The following SNX4 variants were observed in gnomAD, a reference collection of about 807,000 sequenced individuals.
SNX4 encodes the protein sorting nexin 4.
SNX4 carries 49 observed loss-of-function variants against 70.8 expected under a neutral mutation model. The observed-to-expected ratio is 0.69, with a 90% CI of 0.55 to 0.88. The LOEUF is 0.88. Ranked by LOEUF, SNX4 falls within the 40% of genes least tolerant of loss-of-function variation. The pLI is 0.00. For missense variants in SNX4, 528 were observed against 544.8 expected, an observed-to-expected ratio of 0.97 and a Z score of 0.31; for synonymous variants, 206 against 183.8, an observed-to-expected ratio of 1.12 and a Z score of -0.98.
At chr3:125,455,591 ACT>A (rs769222289) in intron 11 of SNX4, among the ~76,000 whole-genome samples, 2 of 152,190 alleles carry the variant, frequency 1.3e-5, no homozygotes, top group African/African-American at 4.8e-5. Context: ...AACTTCTCCC[ACT>A]GAGTTTTAAA....
At chr3:125,454,790 C>T (rs200291129) in intron 11 of SNX4, among the ~76,000 whole-genome samples, 1 of 152,162 alleles carries the variant, frequency 6.6e-6, no homozygotes, top group African/African-American at 2.4e-5. Flanking sequence ...CTAAGTCAGA[C>T]AAAACCACCA....
chr3:125,472,294 C>T (rs1431056641), intron 8 of SNX4, among the ~76,000 whole-genome samples: 1 of 152,066 alleles, frequency 6.6e-6, no homozygotes, highest in African/African-American at 2.4e-5. Context: ...TATGTGGCCC[C>T]CAACTTTTGA....
chr3:125,506,873 G>C (rs1341805265), intron 1 of SNX4, among the ~76,000 whole-genome samples: 1 of 59,124 alleles, frequency 1.7e-5, no homozygotes, highest in Non-Finnish European at 3.7e-5. Context: ...GAACAAAATA[G>C]AAGTATCCAG....
At chr3:125,498,019 A>G (rs1322390837) in intron 3 of SNX4, 36 bp from the exon 4 acceptor site, 1 of 1,614,092 alleles carries the variant, frequency 6.2e-7, no homozygotes. Flanking sequence ...AATAGTCTCA[A>G]TGCTGAATAC....
At chr3:125,517,916 G>A (rs1466086810) in intron 1 of SNX4, among the ~76,000 whole-genome samples, 1 of 151,960 alleles carries the variant, frequency 6.6e-6, no homozygotes, top group African/African-American at 2.4e-5. Context: ...GCAGAGGTCT[G>A]CAGTGACCCG....
At chr3:125,496,141 A>T (rs1934789405) in intron 5 of SNX4, among the ~76,000 whole-genome samples, 1 of 152,154 alleles carries the variant, frequency 6.6e-6, no homozygotes, top group South Asian at 2.1e-4. Flanking sequence ...GAAAAATTTT[A>T]AAATTAGCTA....
At chr3:125,472,776 A>C (rs1934206301) in intron 8 of SNX4, among the ~76,000 whole-genome samples, 1 of 151,912 alleles carries the variant, frequency 6.6e-6, no homozygotes, top group Non-Finnish European at 1.5e-5. Flanking sequence ...ATTCCCCTCA[A>C]TCCCCACAAC....
chr3:125,459,288 T>A (rs1933813850), intron 10 of SNX4, among the ~76,000 whole-genome samples: 1 of 152,238 alleles, frequency 6.6e-6, no homozygotes, highest in Admixed American at 6.5e-5. Context: ...TTTCAGAATT[T>A]AGCTAGGCAT....
intron 8 of SNX4, among the ~76,000 whole-genome samples, chr3:125,470,545 C>T (rs548045338): frequency 2.0e-5 from 3 of 149,250 alleles, no homozygotes; most frequent in Admixed American, 2.0e-4. Flanking sequence ...AGACTTCAGA[C>T]AACCTGAAGT....
chr3:125,480,370 C>A, intron 6 of SNX4, 51 bp from the exon 7 acceptor site: 2 of 1,227,914 alleles, frequency 1.6e-6, no homozygotes, highest in South Asian at 3.5e-5. Flanking sequence ...AACAAGCAGT[C>A]AAAAACTGAA....
At chr3:125,457,697 C>T (rs1340423715) in intron 10 of SNX4, among the ~76,000 whole-genome samples, 2 of 151,138 alleles carry the variant, frequency 1.3e-5, no homozygotes, top group African/African-American at 4.9e-5. Flanking sequence ...CCTGCCTCAG[C>T]TTCCCTAGTA....
chr3:125,494,084 C>A (rs1934727358), intron 5 of SNX4, among the ~76,000 whole-genome samples: 1 of 150,376 alleles, frequency 6.6e-6, no homozygotes, highest in Non-Finnish European at 1.5e-5. Flanking sequence ...AAACTACAGA[C>A]AAAATATGTC....
At chr3:125,502,516 T>C (rs984757156) in intron 2 of SNX4, among the ~76,000 whole-genome samples, 1 of 152,144 alleles carries the variant, frequency 6.6e-6, no homozygotes, top group Admixed American at 6.6e-5. Context: ...GGTTCAGCAC[T>C]AAGGCAAGCT....
At chr3:125,509,508 T>C (rs1263969765) in intron 1 of SNX4, among the ~76,000 whole-genome samples, 1 of 152,004 alleles carries the variant, frequency 6.6e-6, no homozygotes, top group Non-Finnish European at 1.5e-5. Context: ...TCCTAGCACT[T>C]TGGGAGGCCA....
At chr3:125,511,044 G>A (rs1042437363) in intron 1 of SNX4, among the ~76,000 whole-genome samples, 3 of 152,096 alleles carry the variant, frequency 2.0e-5, no homozygotes, top group African/African-American at 7.2e-5. Flanking sequence ...TTAGCCTCCC[G>A]AGTAGCTGGG....
chr3:125,514,034 ATT>A (rs113030023), intron 1 of SNX4, among the ~76,000 whole-genome samples: 7 of 144,434 alleles, frequency 4.8e-5, no homozygotes, highest in Admixed American at 1.4e-4. Context: ...AGACTTCTGG[ATT>A]TTTTTTTTTT....
chr3:125,514,034 A>ATT (rs113030023), intron 1 of SNX4, among the ~76,000 whole-genome samples: 18 of 144,494 alleles, frequency 1.2e-4, no homozygotes, highest in Admixed American at 1.4e-4. Flanking sequence ...AGACTTCTGG[A>ATT]TTTTTTTTTT....
chr3:125,469,133 TG>T (rs1934107961), intron 9 of SNX4, among the ~76,000 whole-genome samples: 1 of 152,236 alleles, frequency 6.6e-6, no homozygotes, highest in African/African-American at 2.4e-5. Context: ...AATTTTAGAC[TG>T]AGAAAATTCC....
chr3:125,448,931 C>A (rs1933500658), intron 13 of SNX4: 1 of 151,798 alleles, frequency 6.6e-6, no homozygotes, highest in Non-Finnish European at 1.5e-5. Flanking sequence ...CCTGCCTTGG[C>A]CTCCCAAAAT....
Sources: gnomAD v4.1 joint callset for allele counts (sites outside exome capture counted in the v4.1 genomes callset) on GRCh38, gnomAD v4.1.1 for gene constraint, MANE v1.5 for transcripts, NCBI Gene and HGNC (gene_info 2026-07-23, HGNC 2026-07-21) for gene names.